SLC38A7: variants seen among roughly 807,000 people sequenced by gnomAD.
SLC38A7 encodes the protein solute carrier family 38 member 7.
In SLC38A7, 29 loss-of-function variants were observed where a neutral mutation model predicts 50.1. The ratio of observed to expected loss-of-function variants is 0.58; its 90% confidence interval spans 0.43 to 0.79. The LOEUF (loss-of-function observed/expected upper bound fraction) is 0.79, where lower values mean the gene tolerates loss of function less well. Among genes scored for constraint, SLC38A7 ranks in the 30% least tolerant of loss-of-function variants. The pLI is 0.00. For synonymous variants in SLC38A7, 244 were observed against 245.9 expected, an observed-to-expected ratio of 0.99 and a Z score of 0.07; for missense variants, 483 against 610.6, an observed-to-expected ratio of 0.79 and a Z score of 2.20.
At chr16:58,669,972 CT>C (rs2044127142) in intron 11 of SLC38A7, 140 bp downstream of exon 11, 1 of 706,996 alleles carries the variant, frequency 1.4e-6, no homozygotes, top group Non-Finnish European at 2.2e-6. Flanking sequence ...GAGACTCCGG[CT>C]CAAAAAAAAA....
Position 58,667,046 on chromosome 16 carries a change from G to A in SLC38A7, c.*339C>T. The A allele has an allele frequency of 2.6e-6, 1 of 389,564 alleles. No homozygotes were observed. Among genetic ancestry groups the A allele is most frequent in the Admixed American group, 4.1e-5 (1 of 24,218 alleles). 24.1% of individuals were successfully genotyped at this position (389,564 alleles called of 1,614,324 possible). On this transcript the variant is annotated 3_prime_UTR_variant, in exon 12 of 12. Coordinates refer to ENST00000219320, the MANE Select transcript of SLC38A7 (RefSeq NM_018231.3). ...TCTGTCCATAGTCATTCTCCAGAGG[G>A]AAGTCAGACTGGATTCTTTCTTATG...
At chr16:58,673,456 G>C (rs180719185) in intron 8 of SLC38A7, among the ~76,000 whole-genome samples, 5 of 151,942 alleles carry the variant, frequency 3.3e-5, no homozygotes, top group Non-Finnish European at 7.4e-5. Flanking sequence ...GGCTGGTCTC[G>C]AACTCCTGAC....
intron 8 of SLC38A7, among the ~76,000 whole-genome samples, chr16:58,674,299 C>CA (rs1172298752): frequency 6.6e-6 from 1 of 152,134 alleles, no homozygotes; most frequent in Admixed American, 6.6e-5. Flanking sequence ...TTTTTAGAGA[C>CA]AGGGTCTCAC....
intron 11 of SLC38A7, among the ~76,000 whole-genome samples, chr16:58,667,964 G>A (rs774321602): frequency 4.6e-5 from 7 of 151,590 alleles, no homozygotes; most frequent in Non-Finnish European, 1.0e-4. Context: ...TCAGGAGTTC[G>A]AGACCAGCCT....
At chr16:58,667,531 C>A in intron 11 of SLC38A7, 44 bp from the exon 12 acceptor site, 1 of 1,443,768 alleles carries the variant, frequency 6.9e-7, no homozygotes, top group Non-Finnish European at 9.5e-7. Context: ...TCATCCCATC[C>A]CATGACTGCA....
In SLC38A7 at chr16:58,678,362, G is replaced by A; in HGVS notation, c.582C>T (p.Pro194=). 1 of 1,591,630 alleles carries A rather than the reference G, an allele frequency of 6.3e-7. No homozygotes were observed. The highest frequency in any genetic ancestry group is 8.6e-7 in the Non-Finnish European group (1 of 1,168,882). The change falls in exon 5 of 12, where the codon CCC becomes CCT. Residue 194 remains proline, a synonymous_variant. Transcript: ENST00000219320. The surrounding 1 kb of genome is among the most constrained non-coding windows in gnomAD (Gnocchi z 4.0). ...AFLFILPLSI[P]REIGFQKYAS... is the part of the protein sequence containing the mutation. ...CATATTTCTGGAAACCAATCTCCCT[G>A]GGGATGGAGAGGGGCAGGATGAAGA...
chr16:58,671,955 G>C (rs967024416), intron 9 of SLC38A7, 141 bp downstream of exon 9: 13 of 1,026,752 alleles, frequency 1.3e-5, no homozygotes, highest in Non-Finnish European at 1.8e-5. Context: ...GGGATATGTA[G>C]GGACCCATCC....
Position 58,671,198 on chromosome 16 carries a change from C to A in SLC38A7, c.1078G>T (p.Glu360Ter). 1 of 1,613,976 alleles carries A rather than the reference C, an allele frequency of 6.2e-7. No individual in the cohort carries two copies. Among genetic ancestry groups the A allele is most frequent in the Non-Finnish European group, 8.5e-7 (1 of 1,179,942 alleles). The change falls in exon 10 of 12, where the codon GAG becomes TAG. Residue 360 changes from glutamate to a stop codon, truncating the protein, a stop_gained. Coordinates refer to ENST00000219320, the MANE Select transcript of SLC38A7 (RefSeq NM_018231.3). LOFTEE classifies it high-confidence loss of function. ...CGCCGCTCCCGCCCCACGTCCTCCTCCACTGGCACCCCCTGGTAGCGCAGC... is the reference window on the plus strand; with the variant it reads ...CGCCGCTCCCGCCCCACGTCCTCCTACACTGGCACCCCCTGGTAGCGCAGC... ...LWLRYQGVPV[E>*]EDVGRERRRR...
chr16:58,683,212 G>A (rs2044428948), intron 2 of SLC38A7, among the ~76,000 whole-genome samples: 5 of 152,182 alleles, frequency 3.3e-5, no homozygotes, highest in African/African-American at 1.2e-4. Context: ...GGGAAAAAAA[G>A]GGAACTGAGC....
At position 58,672,884 on chromosome 16, in the gene SLC38A7, C is replaced by T. The variant is rs576897129; in HGVS notation, c.884-641G>A. On this transcript the variant is annotated intron_variant, in intron 8 of 11. Coordinates refer to ENST00000219320, the MANE Select transcript of SLC38A7 (RefSeq NM_018231.3). ...TGAACTCCTGGGCTCAAGTAATCCT[C>T]CTACCTCACCCTCCCAGAGTGTGAG... Among the ~76,000 whole-genome samples the T allele has an allele frequency of 1.9e-3, 282 of 152,102 alleles. 1 individual carries two copies. Among genetic ancestry groups the T allele is most frequent in the Middle Eastern group, 3.4e-3 (1 of 294 alleles).
At chr16:58,677,626 G>C in intron 5 of SLC38A7, 1 of 573,528 alleles carries the variant, frequency 1.7e-6, no homozygotes, top group South Asian at 2.0e-5. Flanking sequence ...ACAGCCAACA[G>C]GGGACCTGAT....
chr16:58,682,351 G>A (rs1382002368), intron 2 of SLC38A7, among the ~76,000 whole-genome samples: 1 of 152,144 alleles, frequency 6.6e-6, no homozygotes, highest in Non-Finnish European at 1.5e-5. Context: ...TACCACCCAG[G>A]CTGGCGAAAT....
chr16:58,678,480 C>T lies in SLC38A7; in HGVS notation c.470-6G>A. 4 of 1,550,068 alleles carry T rather than the reference C, an allele frequency of 2.6e-6. No homozygotes were observed. The highest frequency in any genetic ancestry group is 3.5e-6 in the Non-Finnish European group (4 of 1,145,832). On this transcript the variant is annotated splice_polypyrimidine_tract_variant and splice_region_variant and intron_variant, in intron 4 of 11. Transcript: ENST00000219320. The surrounding 1 kb of genome is among the most constrained non-coding windows in gnomAD (Gnocchi z 4.0). Reference sequence around the variant, plus strand: ...TTTCGCCATCACAGCTATAACTGCACAGGGAGGAAGGAGGGAATGTCAAGC... The same window carrying T: ...TTTCGCCATCACAGCTATAACTGCATAGGGAGGAAGGAGGGAATGTCAAGC...
intron 11 of SLC38A7, among the ~76,000 whole-genome samples, chr16:58,668,993 C>T (rs2044103961): frequency 6.6e-6 from 1 of 151,640 alleles, no homozygotes; most frequent in African/African-American, 2.4e-5. Context: ...TGGTCTCGAA[C>T]TCCTGACCTC....
At chr16:58,677,571 G>A (rs1024415054) in intron 5 of SLC38A7, 147 bp from the exon 6 acceptor site, 1 of 671,444 alleles carries the variant, frequency 1.5e-6, no homozygotes, top group African/African-American at 1.8e-5. Flanking sequence ...GGAAACGCCT[G>A]AGAAGTAGTT....
chr16:58,677,495 C>A, intron 5 of SLC38A7, 71 bp from the exon 6 acceptor site: 6 of 1,339,850 alleles, frequency 4.5e-6, no homozygotes, highest in Non-Finnish European at 6.4e-6. Context: ...CTAGGGACAT[C>A]CACCTTCAGC....
At position 58,672,108 on chromosome 16, in the gene SLC38A7, T is replaced by C. The variant is rs2044170564; in HGVS notation, c.1019A>G (p.His340Arg). 6.4e-7 allele frequency: 1 copy of C among 1,557,022 alleles called. No homozygotes were observed. The highest frequency in any genetic ancestry group is 8.7e-7 in the Non-Finnish European group (1 of 1,150,734). The change falls in exon 9 of 12, where the codon CAC becomes CGC. Residue 340 changes from histidine (H) to arginine (R), a missense_variant. Coordinates refer to ENST00000219320, the MANE Select transcript of SLC38A7 (RefSeq NM_018231.3). ...GAAGGGGGCTCACCGCCCACAGAAG[T>C]GCAGGATAGGGTAGGAGGTGAGCAC... ...LSVLTSYPIL[H>R]FCGRAVVEGL...
intron 11 of SLC38A7, 68 bp from the exon 12 acceptor site, chr16:58,667,555 A>AT (rs1279207927): frequency 2.8e-5 from 33 of 1,176,994 alleles, no homozygotes; most frequent in Non-Finnish European, 3.0e-5. Context: ...TTCAATATAT[A>AT]TAACTGTTAA....
intron 2 of SLC38A7, among the ~76,000 whole-genome samples, chr16:58,681,049 A>G (rs2044378662): frequency 1.3e-5 from 2 of 152,178 alleles, no homozygotes; most frequent in African/African-American, 4.8e-5. Flanking sequence ...ACTGGCCACT[A>G]GGCTTGCTTT....
Sources: gnomAD v4.1 joint callset for allele counts (sites outside exome capture counted in the v4.1 genomes callset) on GRCh38, gnomAD v4.1.1 for gene constraint, Gnocchi (gnomAD v3.1) non-coding constraint, MANE v1.5 for transcripts, NCBI Gene and HGNC (gene_info 2026-07-23, HGNC 2026-07-21) for gene names.